PABPN1L: variants seen among roughly 807,000 people sequenced by gnomAD.
PABPN1L encodes the protein embryonic polyadenylate-binding protein 2.
A neutral mutation model predicts 34.0 loss-of-function variants in PABPN1L; 45 were observed. The ratio of observed to expected loss-of-function variants is 1.32; its 90% CI spans 1.04 to 1.70. PABPN1L has a LOEUF of 1.70. Among genes scored for constraint, PABPN1L ranks in the 40% most tolerant of loss-of-function variants. PABPN1L has a pLI of 0.00. For synonymous variants in PABPN1L, 182 were observed against 152.1 expected, an observed-to-expected ratio of 1.20 and a Z score of -1.45; for missense variants, 459 against 367.8, an observed-to-expected ratio of 1.25 and a Z score of -2.03.
At chr16:88,867,422 G>T (rs1968625738), upstream of PABPN1L, among the ~76,000 whole-genome samples, 1 of 152,106 alleles carries the variant, frequency 6.6e-6, no homozygotes, top group Non-Finnish European at 1.5e-5. Context: ...GTAGAGACAG[G>T]GTTTCACCAT....
chr16:88,866,754 G>A, upstream of PABPN1L: 9 of 1,170,218 alleles, frequency 7.7e-6, no homozygotes, highest in Non-Finnish European at 1.0e-5. Context: ...GAGTGGGGCT[G>A]AGCTTCCAGC....
chr16:88,866,349 T>G lies in PABPN1L; in HGVS notation c.255+3A>C. On this transcript the variant is annotated splice_donor_region_variant and intron_variant, in intron 1 of 6. Coordinates refer to ENST00000419291, the Ensembl canonical transcript of PABPN1L. ...ATCCCCAGGGCCTCCACACAGCTGT[T>G]ACCTGGTCAGGCAATGGGCACTCAG... The G allele has an allele frequency of 1.9e-6, 3 of 1,548,998 alleles. No homozygotes were observed. Among genetic ancestry groups the G allele is most frequent in the Non-Finnish European group, 2.6e-6 (3 of 1,146,776 alleles).
At chr16:88,869,406 G>C (rs749830967), upstream of PABPN1L, among the ~76,000 whole-genome samples, 2 of 152,358 alleles carry the variant, frequency 1.3e-5, no homozygotes, top group African/African-American at 4.8e-5. Flanking sequence ...CACTGTTTCC[G>C]GGAGGGCTGC....
chr16:88,867,374 C>A (rs1032305933), upstream of PABPN1L, among the ~76,000 whole-genome samples: 3 of 152,104 alleles, frequency 2.0e-5, no homozygotes, highest in Non-Finnish European at 4.4e-5. Flanking sequence ...ATTACAGGCA[C>A]CTGCCACCAT....
At chr16:88,864,721 C>G (rs1053536739) in intron 5 of PABPN1L, 132 bp downstream of exon 5, 22 of 1,075,622 alleles carry the variant, frequency 2.0e-5, no homozygotes, top group East Asian at 2.6e-5. Flanking sequence ...CACATCCTGT[C>G]CAGGCCCAGC....
upstream of PABPN1L, among the ~76,000 whole-genome samples, chr16:88,869,053 G>C (rs918877191): frequency 3.9e-5 from 6 of 152,218 alleles, no homozygotes; most frequent in East Asian, 3.9e-4. Context: ...GGAGGCACAG[G>C]CTTCTTCATC....
exon 7 of PABPN1L, chr16:88,863,784 T>A (rs942538883): frequency 1.3e-6 from 2 of 1,535,902 alleles, no homozygotes; most frequent in Non-Finnish European, 1.7e-6. Context: ...TGGTGAGAAT[T>A]TTCCACGGGC....
At chr16:88,866,191 G>A (rs1218712247) in intron 1 of PABPN1L, among the ~76,000 whole-genome samples, 161 bp downstream of exon 1, 1 of 152,206 alleles carries the variant, frequency 6.6e-6, no homozygotes, top group African/African-American at 2.4e-5. Context: ...CTGTGTGGCT[G>A]GGGGCGGGGG....
At chr16:88,866,423 C>T (rs749636183) in exon 1 of PABPN1L, 117 of 1,551,382 alleles carry the variant, frequency 7.5e-5, no homozygotes, top group Non-Finnish European at 9.7e-5. Context: ...GCATCCCCAT[C>T]CTGGTCTTCC....
chr16:88,867,597 CGTGGGG>C (rs1968628629), upstream of PABPN1L, among the ~76,000 whole-genome samples: 1 of 151,372 alleles, frequency 6.6e-6, no homozygotes, highest in African/African-American at 2.4e-5. Context: ...GCGGGGGCTC[CGTGGGG>C]AGTGACGGCG....
intron 5 of PABPN1L, among the ~76,000 whole-genome samples, chr16:88,864,636 C>T (rs889085663): frequency 1.4e-5 from 2 of 144,752 alleles, no homozygotes; most frequent in African/African-American, 5.4e-5. Context: ...GCAGAGGGGG[C>T]TCCCGCCCGA....
rs1040633815 is a variant in PABPN1L at position 88,865,251 on chromosome 16, C to T, written c.460-123G>A. 4 of 975,072 alleles carry T rather than the reference C, an allele frequency of 4.1e-6. No individual in the cohort carries two copies. The African/African-American group carries it at 6.6e-5, about 16-fold the overall frequency. 60.4% of individuals were successfully genotyped at this position (975,072 alleles called of 1,614,324 possible). On this transcript the variant is annotated intron_variant, in intron 3 of 6. Transcript: ENST00000419291. The stretch of plus-strand genomic sequence containing the variant: ...CGTGGCGGGGATGGCCCCAGGCCTC[C>T]ACCCCACACCCCCGCTGGGGTTGGA...
chr16:88,864,833 C>G lies in PABPN1L; in HGVS notation c.654+20G>C. 6.3e-7 allele frequency: 1 copy of G among 1,591,394 alleles called. No homozygotes were observed. Among genetic ancestry groups the G allele is most frequent in the Non-Finnish European group, 8.6e-7 (1 of 1,168,192 alleles). On this transcript the variant is annotated intron_variant, in intron 5 of 6. Coordinates refer to ENST00000419291, the Ensembl canonical transcript of PABPN1L. ...GCCCCTCTGCGCTCATGTTCCTGGA[C>G]CTGGGGAGCACCGGCGCACCTTGAT...
At chr16:88,868,670 C>A (rs1968645331), upstream of PABPN1L, among the ~76,000 whole-genome samples, 1 of 151,658 alleles carries the variant, frequency 6.6e-6, no homozygotes, top group African/African-American at 2.4e-5. Context: ...AAAGAGCGGG[C>A]AGGAGGGGAA....
exon 7 of PABPN1L, chr16:88,863,650 T>C (rs1968501402): frequency 7.2e-7 from 1 of 1,385,936 alleles, no homozygotes; most frequent in Admixed American, 2.0e-5. Flanking sequence ...ACCCCTCTCC[T>C]CTGGCCTCGC....
chr16:88,864,791 C>A, intron 5 of PABPN1L, 62 bp downstream of exon 5: 1 of 1,488,926 alleles, frequency 6.7e-7, no homozygotes, highest in Non-Finnish European at 9.2e-7. Context: ...GCTGTGTGTC[C>A]CAGGGCCAGT....
chr16:88,869,387 A>T (rs1001568362), upstream of PABPN1L, among the ~76,000 whole-genome samples: 1 of 152,216 alleles, frequency 6.6e-6, no homozygotes, highest in Non-Finnish European at 1.5e-5. Context: ...CCCCCTGCGA[A>T]CACGGTGCCA....
chr16:88,866,387 G>C, exon 1 of PABPN1L: 1 of 1,550,868 alleles, frequency 6.4e-7, no homozygotes, highest in Non-Finnish European at 8.7e-7. Flanking sequence ...AGGTTCTCTT[G>C]CTCCAGCAGA....
At chr16:88,869,399 T>A (rs1968657542), upstream of PABPN1L, among the ~76,000 whole-genome samples, 1 of 152,266 alleles carries the variant, frequency 6.6e-6, no homozygotes, top group Non-Finnish European at 1.5e-5. Context: ...ACGGTGCCAC[T>A]GTTTCCGGGA....
Sources: allele counts gnomAD v4.1 joint callset (sites outside exome capture counted in the v4.1 genomes callset), GRCh38; gene constraint gnomAD v4.1.1; transcripts MANE v1.5; gene names NCBI Gene and HGNC (gene_info 2026-07-23, HGNC 2026-07-21).